NLGN1: variants seen among roughly 807,000 people sequenced by gnomAD.
NLGN1 encodes neuroligin 1.
NLGN1 carries 12 observed loss-of-function variants against 65.5 expected under a neutral mutation model. The observed-to-expected ratio is 0.18, with a 90% confidence interval of 0.12 to 0.30. NLGN1 has a LOEUF of 0.30. Among genes scored for constraint, NLGN1 ranks in the 10% least tolerant of loss-of-function variants. The pLI is 1.00. For missense variants in NLGN1, 750 were observed against 1,007.1 expected, an observed-to-expected ratio of 0.74 and a Z score of 3.46; for synonymous variants, 350 against 359.5, an observed-to-expected ratio of 0.97 and a Z score of 0.30.
At chr3:173,865,848 G>A (rs889914594) in intron 4 of NLGN1, among the ~76,000 whole-genome samples, 3 of 152,208 alleles carry the variant, frequency 2.0e-5, no homozygotes, top group Admixed American at 1.3e-4. Flanking sequence ...GAGGAAATAT[G>A]ATGAAGAACT....
At chr3:173,886,764 C>T (rs1396416772) in intron 4 of NLGN1, among the ~76,000 whole-genome samples, 1 of 151,944 alleles carries the variant, frequency 6.6e-6, no homozygotes, top group Non-Finnish European at 1.5e-5. Context: ...GAAGAGTGGC[C>T]TCCTGACTCC....
At position 174,257,411 on chromosome 3, in the gene NLGN1, T is replaced by C. The variant is rs1745997837; in HGVS notation, c.647-17904T>C. 2.0e-5 allele frequency among the ~76,000 whole-genome samples: 3 copies of C among 152,172 alleles called. No individual in the cohort carries two copies. In the South Asian group the frequency reaches 6.2e-4, roughly 32 times the overall value. On this transcript the variant is annotated intron_variant, in intron 4 of 6. Transcript: ENST00000457714. ...CCCAACAATCCCATTACTGGGTATA[T>C]ATCCAAAGGAATATTAATTGTCCTA...
intron 4 of NLGN1, among the ~76,000 whole-genome samples, chr3:174,019,564 C>T (rs1727312538): frequency 6.6e-6 from 1 of 152,080 alleles, no homozygotes; most frequent in Non-Finnish European, 1.5e-5. Flanking sequence ...AACATGATAT[C>T]ATATTTTGTT....
intron 3 of NLGN1, among the ~76,000 whole-genome samples, chr3:173,689,179 TG>T (rs1765104223): frequency 6.6e-6 from 1 of 152,182 alleles, no homozygotes; most frequent in Admixed American, 6.5e-5. Context: ...ACTACTGCCC[TG>T]CTTGTTCTCA....
Position 174,183,460 on chromosome 3 carries a change from G to A in NLGN1, c.647-91855G>A, listed in dbSNP as rs114707896. On this transcript the variant is annotated intron_variant, in intron 4 of 6. Transcript: ENST00000457714. ...AAAGAAAAAATAAATAAATAAATCCGAACTAGCTATTTACTCAAACATCCC... is the reference window on the plus strand; with the variant it reads ...AAAGAAAAAATAAATAAATAAATCCAAACTAGCTATTTACTCAAACATCCC... 5.2e-3 allele frequency among the ~76,000 whole-genome samples: 796 copies of A among 152,070 alleles called. 7 individuals carry two copies. The highest frequency in any genetic ancestry group is 0.016 in the African/African-American group (681 of 41,520).
intron 3 of NLGN1, among the ~76,000 whole-genome samples, chr3:173,649,194 C>G (rs1758747162): frequency 6.6e-6 from 1 of 151,914 alleles, no homozygotes; most frequent in African/African-American, 2.4e-5. Flanking sequence ...AAAATGCAAA[C>G]TATAGTAACA....
intron 2 of NLGN1, among the ~76,000 whole-genome samples, chr3:173,581,648 C>A (rs1332366152): frequency 6.6e-6 from 1 of 151,648 alleles, no homozygotes; most frequent in African/African-American, 2.4e-5. Context: ...TAAATAAGCA[C>A]CATTCCATTT....
At chr3:173,595,518 C>T (rs1249870813) in intron 2 of NLGN1, among the ~76,000 whole-genome samples, 1 of 152,158 alleles carries the variant, frequency 6.6e-6, no homozygotes, top group African/African-American at 2.4e-5. Context: ...CCAAACTTTC[C>T]TACATTTTTC....
At chr3:174,080,205 C>A (rs1023133736) in intron 4 of NLGN1, among the ~76,000 whole-genome samples, 5 of 152,136 alleles carry the variant, frequency 3.3e-5, no homozygotes, top group Non-Finnish European at 5.9e-5. Context: ...AATGCTCAAT[C>A]ATAACATAGA....
At chr3:174,114,085 A>T (rs1211837391) in intron 4 of NLGN1, among the ~76,000 whole-genome samples, 3 of 152,160 alleles carry the variant, frequency 2.0e-5, no homozygotes, top group Non-Finnish European at 2.9e-5. Flanking sequence ...TTAGCTAGGA[A>T]TGTCCAACAT....
intron 4 of NLGN1, among the ~76,000 whole-genome samples, chr3:173,830,731 A>G (rs1003207047): frequency 1.2e-4 from 19 of 152,224 alleles, no homozygotes; most frequent in Non-Finnish European, 1.5e-4. Context: ...TGTTATTCAT[A>G]TATTACGTAC....
chr3:174,033,198 A>T (rs146534107), intron 4 of NLGN1, among the ~76,000 whole-genome samples: 207 of 152,216 alleles, frequency 1.4e-3, no homozygotes, highest in African/African-American at 4.7e-3. Context: ...CAAGACACAG[A>T]CTTTCTCTGA....
At chr3:174,020,691 T>A (rs1252945796) in intron 4 of NLGN1, among the ~76,000 whole-genome samples, 2 of 152,166 alleles carry the variant, frequency 1.3e-5, no homozygotes, top group African/African-American at 4.8e-5. Flanking sequence ...GTTGAATCAC[T>A]GAATATATTT....
At chr3:173,401,687 A>G (rs929258141) in intron 1 of NLGN1, among the ~76,000 whole-genome samples, 3 of 152,200 alleles carry the variant, frequency 2.0e-5, no homozygotes, top group African/African-American at 7.2e-5. Flanking sequence ...ACAAAATCAG[A>G]ATCTACAAGA....
intron 3 of NLGN1, among the ~76,000 whole-genome samples, chr3:173,798,228 A>G (rs1043589700): frequency 6.6e-6 from 1 of 152,274 alleles, no homozygotes; most frequent in Non-Finnish European, 1.5e-5. Context: ...TAAAATTGGA[A>G]AGTAGATAGT....
chr3:174,228,846 A>G (rs1247259748), intron 4 of NLGN1, among the ~76,000 whole-genome samples: 1 of 152,110 alleles, frequency 6.6e-6, no homozygotes, highest in Non-Finnish European at 1.5e-5. Context: ...AATATTGATC[A>G]TGTAAGTAGA....
At chr3:173,561,577 T>TAC (rs1361101946) in intron 2 of NLGN1, among the ~76,000 whole-genome samples, 1 of 152,048 alleles carries the variant, frequency 6.6e-6, no homozygotes, top group Non-Finnish European at 1.5e-5. Flanking sequence ...ATGGCAAAAA[T>TAC]TAAATATATG....
intron 3 of NLGN1, among the ~76,000 whole-genome samples, chr3:173,745,885 T>G (rs1775289240): frequency 6.6e-6 from 1 of 152,224 alleles, no homozygotes; most frequent in East Asian, 1.9e-4. Flanking sequence ...GTTAGAAACA[T>G]TCACTTCACA....
intron 3 of NLGN1, among the ~76,000 whole-genome samples, chr3:173,775,002 G>T (rs1780095841): frequency 6.6e-6 from 1 of 152,088 alleles, no homozygotes; most frequent in Admixed American, 6.6e-5. Flanking sequence ...TCTTCTTCAA[G>T]TATTGAAAAT....
Sources: gnomAD v4.1 joint callset for allele counts (sites outside exome capture counted in the v4.1 genomes callset) on GRCh38, gnomAD v4.1.1 for gene constraint, MANE v1.5 for transcripts, NCBI Gene and HGNC (gene_info 2026-07-23, HGNC 2026-07-21) for gene names.